Variants in MARK3 observed in about 807,000 individuals in gnomAD.
The protein encoded by MARK3 is MAP/microtubule affinity-regulating kinase 3.
In MARK3, 46 loss-of-function variants were observed where a neutral mutation model predicts 90.1. The observed-to-expected ratio is 0.51, with a 90% confidence interval of 0.40 to 0.65. MARK3 has a LOEUF of 0.65. Ranked by LOEUF, MARK3 falls within the 30% of genes least tolerant of loss-of-function variation. MARK3 has a pLI of 0.00. For missense variants in MARK3, 818 were observed against 947.2 expected (o/e 0.86, Z 1.79); for synonymous variants, 321 against 332.6 (o/e 0.97, Z 0.38).
At chr14:103,399,560 A>G (rs1377026316) in intron 1 of MARK3, among the ~76,000 whole-genome samples, 1 of 151,980 alleles carries the variant, frequency 6.6e-6, no homozygotes, top group African/African-American at 2.4e-5. Context: ...TTAGCCGGGC[A>G]CGGTGGCGGG....
chr14:103,490,364 C>T (rs1399484672), intron 14 of MARK3: 2 of 151,994 alleles, frequency 1.3e-5, no homozygotes, highest in East Asian at 3.9e-4. Flanking sequence ...AGTTCCTATA[C>T]CTGTAATCTT....
chr14:103,404,274 G>A (rs2140663341), intron 1 of MARK3, among the ~76,000 whole-genome samples: 1 of 152,290 alleles, frequency 6.6e-6, no homozygotes, highest in East Asian at 1.9e-4. Flanking sequence ...TGTAAAGGGG[G>A]TGGAAAGTGG....
chr14:103,478,156 A>G (rs1173201416), intron 13 of MARK3, among the ~76,000 whole-genome samples: 3 of 151,946 alleles, frequency 2.0e-5, no homozygotes, highest in African/African-American at 7.3e-5. Flanking sequence ...TTAGCCAGGC[A>G]TGGTGGCGGG....
intron 13 of MARK3, among the ~76,000 whole-genome samples, chr14:103,476,155 G>A (rs183135416): frequency 1.6e-3 from 249 of 152,160 alleles, no homozygotes; most frequent in Non-Finnish European, 2.7e-3. Flanking sequence ...CAGTTATTTC[G>A]GACACCTGCT....
At position 103,411,541 on chromosome 14, in the gene MARK3, C is replaced by G. The variant is rs59027218; in HGVS notation, c.243+6274C>G. Among the ~76,000 whole-genome samples, 158 of 152,178 alleles carry G rather than the reference C, an allele frequency of 1.0e-3. 5 individuals are homozygous for G. In the East Asian group the frequency reaches 0.026, roughly 25 times the overall value. On this transcript the variant is annotated intron_variant, in intron 2 of 17. Coordinates refer to ENST00000429436, the MANE Select transcript of MARK3 (RefSeq NM_001128918.3). ...CCAGTCTGTTTATTTAGTCCTATACCCATACTGTGGTGTTTTTATTACTGC... is the reference window on the plus strand; with the variant it reads ...CCAGTCTGTTTATTTAGTCCTATACGCATACTGTGGTGTTTTTATTACTGC...
intron 15 of MARK3, 85 bp downstream of exon 15, chr14:103,492,119 C>T: frequency 6.8e-7 from 1 of 1,474,046 alleles, no homozygotes; most frequent in Non-Finnish European, 9.2e-7. Flanking sequence ...GCCACTGCTA[C>T]CTGGATGCTT....
chr14:103,391,465 A>G (rs1054673891), intron 1 of MARK3, among the ~76,000 whole-genome samples: 3 of 152,040 alleles, frequency 2.0e-5, no homozygotes, highest in African/African-American at 7.3e-5. Flanking sequence ...ATTTTCTCAC[A>G]TTTCTAATTT....
intron 2 of MARK3, among the ~76,000 whole-genome samples, chr14:103,408,659 A>G (rs2091454821): frequency 6.6e-6 from 1 of 152,156 alleles, no homozygotes; most frequent in South Asian, 2.1e-4. Context: ...ATCTGTCAGC[A>G]TGCATCCTCT....
chr14:103,449,091 G>C (rs2093067211), intron 4 of MARK3, 124 bp downstream of exon 4: 1 of 1,108,974 alleles, frequency 9.0e-7, no homozygotes, highest in African/African-American at 1.6e-5. Flanking sequence ...ACAAGTTGTT[G>C]ATCATTTGTA....
At chr14:103,410,560 C>G (rs146930469) in intron 2 of MARK3, among the ~76,000 whole-genome samples, 3 of 152,240 alleles carry the variant, frequency 2.0e-5, no homozygotes, top group Non-Finnish European at 4.4e-5. Context: ...CCCTGGCCAC[C>G]CGCAGTAGCT....
chr14:103,455,386 A>C (rs755624166), intron 5 of MARK3, among the ~76,000 whole-genome samples: 4 of 152,210 alleles, frequency 2.6e-5, no homozygotes, highest in Non-Finnish European at 5.9e-5. Flanking sequence ...ATCATAGTTA[A>C]GTGAATTGTG....
At chr14:103,494,092 G>A (rs548233010) in intron 15 of MARK3, among the ~76,000 whole-genome samples, 6 of 151,948 alleles carry the variant, frequency 3.9e-5, no homozygotes, top group Admixed American at 3.3e-4. Flanking sequence ...AAATTAGCCA[G>A]GGGTGGTGGC....
intron 1 of MARK3, among the ~76,000 whole-genome samples, chr14:103,400,943 T>TGTG (rs1555371024): frequency 2.4e-5 from 3 of 123,572 alleles, no homozygotes; most frequent in African/African-American, 6.2e-5. Flanking sequence ...ATATAACATT[T>TGTG]TGTGTGTGTG....
intron 5 of MARK3, among the ~76,000 whole-genome samples, chr14:103,454,241 T>C (rs1367304348): frequency 1.3e-5 from 2 of 152,042 alleles, no homozygotes; most frequent in African/African-American, 4.8e-5. Flanking sequence ...TGGTTCTGTA[T>C]TACCTTGGGT....
intron 14 of MARK3, among the ~76,000 whole-genome samples, chr14:103,482,610 G>C (rs578111299): frequency 2.0e-5 from 3 of 152,012 alleles, no homozygotes; most frequent in African/African-American, 7.2e-5. Flanking sequence ...ATATGTGACT[G>C]TCTGAGGTGC....
chr14:103,472,439 C>T (rs1482625116), intron 12 of MARK3, among the ~76,000 whole-genome samples: 11 of 151,670 alleles, frequency 7.3e-5, no homozygotes, highest in African/African-American at 2.2e-4. Context: ...GTCAGGAGAT[C>T]GAGAACATCC....
At chr14:103,484,163 C>CTTTTTTTTTTTT (rs34512580) in intron 14 of MARK3, among the ~76,000 whole-genome samples, 2 of 146,280 alleles carry the variant, frequency 1.4e-5, no homozygotes, top group African/African-American at 2.5e-5. Context: ...AGAATCTTTT[C>CTTTTTTTTTTTT]TTTTTTTTTT....
chr14:103,396,627 T>G (rs1167184822), intron 1 of MARK3, among the ~76,000 whole-genome samples: 1 of 152,116 alleles, frequency 6.6e-6, no homozygotes, highest in Non-Finnish European at 1.5e-5. Context: ...GGCGGTAAAT[T>G]TGGCTAATGG....
chr14:103,420,377 G>A (rs1338730553), intron 2 of MARK3, among the ~76,000 whole-genome samples: 1 of 149,644 alleles, frequency 6.7e-6, no homozygotes, highest in East Asian at 1.9e-4. Flanking sequence ...CCAGAGGTGT[G>A]TACTACCACA....
Sources: allele counts gnomAD v4.1 joint callset (sites outside exome capture counted in the v4.1 genomes callset), GRCh38; gene constraint gnomAD v4.1.1; transcripts MANE v1.5; gene names NCBI Gene and HGNC (gene_info 2026-07-23, HGNC 2026-07-21).